The following DECR1 variants were observed in gnomAD, a reference collection of about 807,000 sequenced individuals.
DECR1 encodes 2,4-dienoyl-CoA reductase [(3E)-enoyl-CoA-producing], mitochondrial.
A neutral mutation model predicts 38.8 loss-of-function variants in DECR1; 44 were observed. The ratio of observed to expected loss-of-function variants is 1.13; its 90% CI spans 0.89 to 1.46. The LOEUF (loss-of-function observed/expected upper bound fraction) is 1.46, where lower values mean the gene tolerates loss of function less well. DECR1 is among the 40% of genes most tolerant of loss of function. The pLI is 0.00. For synonymous variants in DECR1, 148 were observed against 135.2 expected (o/e 1.09, Z -0.66); for missense variants, 428 against 405.5 (o/e 1.06, Z -0.48).
At chr8:90,047,891 C>T (rs1300277444) in intron 8 of DECR1, among the ~76,000 whole-genome samples, 34 of 152,296 alleles carry the variant, frequency 2.2e-4, no homozygotes, top group Admixed American at 5.2e-4. Flanking sequence ...CACTCAAAAC[C>T]GCTCAACTAC....
At chr8:90,023,812 C>T (rs530145469) in intron 5 of DECR1, among the ~76,000 whole-genome samples, 1 of 152,156 alleles carries the variant, frequency 6.6e-6, no homozygotes, top group South Asian at 2.1e-4. Context: ...TGGTGTGCTG[C>T]ACTCATTAAC....
At chr8:90,005,637 A>G in intron 1 of DECR1, 1 of 359,082 alleles carries the variant, frequency 2.8e-6, no homozygotes, top group South Asian at 2.1e-5. Context: ...TTCATACCCA[A>G]CGATCCTGTC....
intron 6 of DECR1, among the ~76,000 whole-genome samples, chr8:90,041,522 A>G (rs1289600443): frequency 6.6e-6 from 1 of 152,006 alleles, no homozygotes; most frequent in African/African-American, 2.4e-5. Flanking sequence ...AGCCCATTTT[A>G]TCTATTGCAA....
At chr8:90,037,149 C>G in intron 6 of DECR1, 1 of 510,614 alleles carries the variant, frequency 2.0e-6, no homozygotes, top group Admixed American at 3.5e-5. Context: ...TGTAAATGTT[C>G]TGTAAATATG....
chr8:90,022,129 T>C (rs73694304), intron 5 of DECR1, among the ~76,000 whole-genome samples: 18,002 of 152,004 alleles, frequency 0.12, 1,421 homozygotes, highest in East Asian at 0.25. Context: ...GGAGAGTATT[T>C]TAAACAAGGA....
In DECR1 at chr8:90,018,914, T is replaced by C. The variant is rs1437221365; in HGVS notation, c.278T>C (p.Met93Thr). 2 of 1,589,138 alleles carry C rather than the reference T, an allele frequency of 1.3e-6. No homozygotes were observed. The highest frequency in any genetic ancestry group is 1.7e-5 in the Admixed American group (1 of 57,772). Reference sequence around the variant, plus strand: ...TACAAGGTGTTTATTTCTAGGAAGATGGATGTTTTGAAAGCTACCGCAGAA... The same window carrying C: ...TACAAGGTGTTTATTTCTAGGAAGACGGATGTTTTGAAAGCTACCGCAGAA... Reference protein sequence around the residue: ...GAQCVIASRKMDVLKATAEQI... With the variant: ...GAQCVIASRKTDVLKATAEQI... Residue 93 changes from methionine (M) to threonine (T), a missense_variant, in exon 3 of 10, where the codon ATG becomes ACG. Physicochemically the swap from Met to Thr is moderately conservative, Grantham distance 81 (BLOSUM62 -1). Transcript: ENST00000220764.
At chr8:90,003,529 G>A (rs1159864188) in intron 1 of DECR1, among the ~76,000 whole-genome samples, 1 of 152,198 alleles carries the variant, frequency 6.6e-6, no homozygotes, top group Admixed American at 6.5e-5. Context: ...TGTTTATGAG[G>A]AAACACTAAT....
intron 1 of DECR1, chr8:90,006,356 A>G: frequency 2.8e-6 from 2 of 703,420 alleles, no homozygotes; most frequent in South Asian, 1.5e-5. Context: ...GAGTTAGCCA[A>G]AGGGAGAGAT....
At position 90,042,738 on chromosome 8, in the gene DECR1, G is replaced by A. The variant is rs1275449649; in HGVS notation, c.676G>A (p.Ala226Thr). The A allele has an allele frequency of 6.2e-7, 1 of 1,613,362 alleles. No homozygotes were observed. The highest frequency in any genetic ancestry group is 2.2e-5 in the East Asian group (1 of 44,844). ...GVEAMSKSLA[A>T]EWGKYGMRFN... ...GATTTTAATTTTTAGGTCTCTTGCA[G>A]CTGAATGGGGTAAATATGGAATGCG... Residue 226 changes from alanine to threonine, a missense_variant, in exon 7 of 10, where the codon GCT (alanine) becomes ACT (threonine). Ala to Thr is a moderately conservative substitution (Grantham distance 58). Coordinates refer to ENST00000220764, the MANE Select transcript of DECR1 (RefSeq NM_001359.2).
chr8:90,003,924 T>G (rs1812680069), intron 1 of DECR1, among the ~76,000 whole-genome samples: 1 of 151,352 alleles, frequency 6.6e-6, no homozygotes, highest in Non-Finnish European at 1.5e-5. Context: ...GGCGATAGAG[T>G]GAGTGAGACT....
chr8:90,001,753 G>C (rs1012764134), intron 1 of DECR1, among the ~76,000 whole-genome samples, 192 bp downstream of exon 1: 2 of 150,172 alleles, frequency 1.3e-5, no homozygotes, highest in Non-Finnish European at 3.0e-5. Context: ...AGGACAGGGC[G>C]TCCCGGGGCC....
At position 90,040,040 on chromosome 8, in the gene DECR1, T is replaced by A. The variant is rs566451575; in HGVS notation, c.666-2688T>A. 7.3e-3 allele frequency among the ~76,000 whole-genome samples: 1,106 copies of A among 152,322 alleles called. 14 individuals carry two copies. Among genetic ancestry groups the A allele is most frequent in the African/African-American group, 0.025 (1,026 of 41,562 alleles). On this transcript the variant is annotated intron_variant, in intron 6 of 9. Coordinates refer to ENST00000220764, the MANE Select transcript of DECR1 (RefSeq NM_001359.2). Reference sequence around the variant, plus strand: ...AGTATATCAGCTAGCTTAATGACAGTTGAAAGATCATGCTAGCAATTGAAC... The same window carrying A: ...AGTATATCAGCTAGCTTAATGACAGATGAAAGATCATGCTAGCAATTGAAC...
chr8:90,033,447 C>A (rs1169028456), intron 5 of DECR1, among the ~76,000 whole-genome samples: 1 of 152,132 alleles, frequency 6.6e-6, no homozygotes, highest in African/African-American at 2.4e-5. Flanking sequence ...TTTCCATGAG[C>A]AGTTATTCTA....
Position 90,049,235 on chromosome 8 carries a change from A to G in DECR1, c.886-2442A>G, listed in dbSNP as rs920589122. Among the ~76,000 whole-genome samples, 3 of 152,298 alleles carry G rather than the reference A, an allele frequency of 2.0e-5. No homozygotes were observed. In the East Asian group the frequency reaches 5.8e-4, roughly 29 times the overall value. ...TTCAATTAGGAAAAGAGAAAGTCAA[A>G]TTGTACCTGTTTGCAGATGACATGA... On this transcript the variant is annotated intron_variant, in intron 8 of 9. Transcript: ENST00000220764.
At chr8:90,031,041 T>C (rs1270374229) in intron 5 of DECR1, among the ~76,000 whole-genome samples, 2 of 152,124 alleles carry the variant, frequency 1.3e-5, no homozygotes, top group African/African-American at 4.8e-5. Context: ...TAAGTAGTAA[T>C]TAGAAATTTC....
chr8:90,038,454 CT>C (rs759045189), intron 6 of DECR1, among the ~76,000 whole-genome samples: 8,408 of 111,650 alleles, frequency 0.075, 256 homozygotes, highest in African/African-American at 0.17. Context: ...CATCGCGGGC[CT>C]TTTTTTTTTT....
chr8:90,051,709 T>A lies in DECR1; in HGVS notation c.918T>A (p.Leu306=). 1 of 1,612,878 alleles carries A rather than the reference T, an allele frequency of 6.2e-7. No homozygotes were observed. Among genetic ancestry groups the A allele is most frequent in the Non-Finnish European group, 8.5e-7 (1 of 1,179,854 alleles). The part of the protein sequence containing the change: ...VIKFDGGEEV[L]ISGEFNDLRK... ...AATTTGACGGTGGAGAGGAAGTACTTATTTCAGGGGAATTCAACGACCTGA... is the reference window on the plus strand; with the variant it reads ...AATTTGACGGTGGAGAGGAAGTACTAATTTCAGGGGAATTCAACGACCTGA... Residue 306 remains leucine (L), a synonymous_variant, in exon 9 of 10, where the codon CTT becomes CTA. Transcript: ENST00000220764.
At chr8:90,037,302 A>G (rs1813639682) in intron 6 of DECR1, among the ~76,000 whole-genome samples, 1 of 152,158 alleles carries the variant, frequency 6.6e-6, no homozygotes, top group Non-Finnish European at 1.5e-5. Context: ...TTGCTCTCCC[A>G]TAGATCTTTA....
chr8:90,039,749 A>G (rs1388187838), intron 6 of DECR1, among the ~76,000 whole-genome samples: 1 of 152,198 alleles, frequency 6.6e-6, no homozygotes, highest in East Asian at 1.9e-4. Context: ...TATAGCTTAC[A>G]TCACACAATT....
Sources: allele counts gnomAD v4.1 joint callset (sites outside exome capture counted in the v4.1 genomes callset), GRCh38; gene constraint gnomAD v4.1.1; transcripts MANE v1.5; gene names NCBI Gene and HGNC (gene_info 2026-07-23, HGNC 2026-07-21).